Variants in DTHD1 observed in about 807,000 individuals in gnomAD.
DTHD1 encodes the protein death domain containing 1.
A neutral mutation model predicts 74.8 loss-of-function variants in DTHD1; 59 were observed. That is an observed-to-expected ratio of 0.79 (90% CI 0.64 to 0.98). The LOEUF (loss-of-function observed/expected upper bound fraction) is 0.98, where lower values mean the gene tolerates loss of function less well. DTHD1 is among the 50% of genes least tolerant of loss of function. The probability of loss-of-function intolerance (pLI) is 0.00; values close to 1 mark genes in which losing one functional copy is unlikely to be tolerated. For synonymous variants in DTHD1, 365 were observed against 371.1 expected (o/e 0.98, Z 0.19); for missense variants, 1,051 against 1,065.4 (o/e 0.99, Z 0.19).
chr4:36,333,190 T>G (rs1276215199), intron 8 of DTHD1, among the ~76,000 whole-genome samples: 1 of 152,020 alleles, frequency 6.6e-6, no homozygotes. Flanking sequence ...ATATTACACA[T>G]TATTATATAG....
chr4:36,306,224 A>G lies in DTHD1; in HGVS notation c.1677A>G (p.Lys559=), dbSNP rs760389787. The change falls in exon 6 of 10, where the codon AAA becomes AAG. Residue 559 remains lysine, a synonymous_variant. Coordinates refer to ENST00000639862, the MANE Select transcript of DTHD1 (RefSeq NM_001170700.3). ...TTGCCTCCATAAGAAAACCTAGGAA[A>G]AATGCCAGTGAATGTTTGAAATTAC... ...TKIASIRKPR[K]NASECLKLLG... is the part of the protein sequence containing the mutation. 13 of 1,551,830 alleles carry G rather than the reference A, an allele frequency of 8.4e-6. No homozygotes were observed. Among genetic ancestry groups the G allele is most frequent in the Admixed American group, 2.0e-5 (1 of 50,986 alleles).
chr4:36,326,714 G>A (rs368982039), intron 8 of DTHD1, among the ~76,000 whole-genome samples: 77 of 152,296 alleles, frequency 5.1e-4, no homozygotes, highest in African/African-American at 1.8e-3. Flanking sequence ...ATTGAAGGTG[G>A]AGTTTTAATA....
chr4:36,329,741 T>C (rs1471170859), intron 8 of DTHD1, among the ~76,000 whole-genome samples: 1 of 152,214 alleles, frequency 6.6e-6, no homozygotes, highest in Admixed American at 6.5e-5. Flanking sequence ...TGTTCTCTTT[T>C]TAAACTTTTC....
chr4:36,289,368 C>T (rs561612904), intron 2 of DTHD1, among the ~76,000 whole-genome samples: 1 of 152,190 alleles, frequency 6.6e-6, no homozygotes, highest in East Asian at 1.9e-4. Context: ...ATATTAGTTT[C>T]AATTTGTAAT....
intron 8 of DTHD1, among the ~76,000 whole-genome samples, chr4:36,322,687 C>A (rs1351268074): frequency 6.6e-6 from 1 of 152,106 alleles, no homozygotes; most frequent in Non-Finnish European, 1.5e-5. Context: ...ACTTCATATT[C>A]TATATAATCT....
chr4:36,323,458 T>C (rs1433973120), intron 8 of DTHD1, among the ~76,000 whole-genome samples: 1 of 152,064 alleles, frequency 6.6e-6, no homozygotes, highest in South Asian at 2.1e-4. Context: ...TTCTGAACCA[T>C]TAAAAAATGT....
chr4:36,282,536 G>C (rs993067263), intron 1 of DTHD1, among the ~76,000 whole-genome samples: 1 of 152,142 alleles, frequency 6.6e-6, no homozygotes, highest in African/African-American at 2.4e-5. Flanking sequence ...GGTTGGGATA[G>C]GGAATTGGAT....
At chr4:36,306,923 T>C (rs919833832) in intron 6 of DTHD1, among the ~76,000 whole-genome samples, 1 of 152,210 alleles carries the variant, frequency 6.6e-6, no homozygotes, top group East Asian at 1.9e-4. Flanking sequence ...AAGCAAGTGA[T>C]TTATTGAAAG....
intron 7 of DTHD1, among the ~76,000 whole-genome samples, chr4:36,314,599 T>C (rs1757596545): frequency 6.6e-6 from 1 of 151,928 alleles, no homozygotes; most frequent in Admixed American, 6.6e-5. Flanking sequence ...GGAGGACAGC[T>C]TGAGCTTGGG....
intron 2 of DTHD1, among the ~76,000 whole-genome samples, chr4:36,286,338 G>A (rs537426813): frequency 3.9e-5 from 6 of 152,220 alleles, no homozygotes; most frequent in African/African-American, 1.4e-4. Flanking sequence ...GGTGTTTCCT[G>A]GTTAGTGACT....
chr4:36,338,038 T>A (rs945060258), intron 8 of DTHD1, among the ~76,000 whole-genome samples: 2 of 152,204 alleles, frequency 1.3e-5, no homozygotes, highest in Non-Finnish European at 2.9e-5. Context: ...TTCTCTGGCA[T>A]TTTATCAGGT....
intron 9 of DTHD1, among the ~76,000 whole-genome samples, chr4:36,339,733 T>C (rs1302128516): frequency 4.6e-5 from 7 of 152,234 alleles, no homozygotes; most frequent in African/African-American, 9.6e-5. Flanking sequence ...GATAACTTAT[T>C]GGTCTTCAAA....
intron 8 of DTHD1, among the ~76,000 whole-genome samples, chr4:36,325,355 G>A (rs1367920045): frequency 1.3e-5 from 2 of 152,176 alleles, no homozygotes; most frequent in Non-Finnish European, 2.9e-5. Flanking sequence ...TTATAATTAA[G>A]TTGATCTTTT....
At chr4:36,323,397 T>G (rs1758148968) in intron 8 of DTHD1, among the ~76,000 whole-genome samples, 1 of 152,052 alleles carries the variant, frequency 6.6e-6, no homozygotes, top group Admixed American at 6.6e-5. Context: ...TATATTATTT[T>G]TTCCACCAAT....
At chr4:36,326,398 C>T (rs1249678472) in intron 8 of DTHD1, among the ~76,000 whole-genome samples, 2 of 148,626 alleles carry the variant, frequency 1.3e-5, no homozygotes, top group African/African-American at 2.5e-5. Context: ...AGCATTTACA[C>T]ATTAACTTAT....
chr4:36,323,736 A>G (rs935015559), intron 8 of DTHD1, among the ~76,000 whole-genome samples: 5 of 152,068 alleles, frequency 3.3e-5, no homozygotes, highest in Non-Finnish European at 7.4e-5. Context: ...TGCTTTCTAT[A>G]CTAGAGTTAA....
At chr4:36,313,130 CTA>C (rs1301088697) in intron 7 of DTHD1, among the ~76,000 whole-genome samples, 3 of 152,026 alleles carry the variant, frequency 2.0e-5, no homozygotes, top group African/African-American at 7.2e-5. Flanking sequence ...TTTGTATTTT[CTA>C]TGTCATCAAT....
chr4:36,285,112 C>T (rs1211140906), intron 2 of DTHD1, among the ~76,000 whole-genome samples: 1 of 152,066 alleles, frequency 6.6e-6, no homozygotes, highest in African/African-American at 2.4e-5. Flanking sequence ...TATATGGCCA[C>T]TATTATTAAT....
chr4:36,302,045 G>A (rs767967452), intron 5 of DTHD1, among the ~76,000 whole-genome samples: 10 of 152,262 alleles, frequency 6.6e-5, no homozygotes, highest in Admixed American at 2.6e-4. Flanking sequence ...GCCAGGGTGC[G>A]GGGGCCCACT....
Sources: gnomAD v4.1 joint callset for allele counts (sites outside exome capture counted in the v4.1 genomes callset) on GRCh38, gnomAD v4.1.1 for gene constraint, MANE v1.5 for transcripts, NCBI Gene and HGNC (gene_info 2026-07-23, HGNC 2026-07-21) for gene names.